The following SYNPR variants were observed in gnomAD, a reference collection of about 807,000 sequenced individuals.
SYNPR encodes the protein synaptoporin.
SYNPR carries 23 observed loss-of-function variants against 32.9 expected under a neutral mutation model. The ratio of observed to expected loss-of-function variants is 0.70; its 90% CI spans 0.50 to 0.99. The LOEUF (loss-of-function observed/expected upper bound fraction) is 0.99. Ranked by LOEUF, SYNPR falls within the 50% of genes least tolerant of loss-of-function variation. The pLI, the probability that SYNPR is intolerant of heterozygous loss-of-function variation, is 0.00. For synonymous variants in SYNPR, 146 were observed against 135.9 expected, an observed-to-expected ratio of 1.07 and a Z score of -0.52; for missense variants, 318 against 349.3, an observed-to-expected ratio of 0.91 and a Z score of 0.71.
At chr3:63,562,278 T>C (rs563129756) in intron 4 of SYNPR, among the ~76,000 whole-genome samples, 1 of 152,324 alleles carries the variant, frequency 6.6e-6, no homozygotes, top group South Asian at 2.1e-4. Flanking sequence ...AAGCAGATTT[T>C]TAAAAGCAAC....
At chr3:63,209,894 G>T in the SYNPR span, among the ~76,000 whole-genome samples, 712 of 152,258 alleles carry the variant, frequency 4.7e-3, 6 homozygotes, top group Non-Finnish European at 7.1e-3. Flanking sequence ...GGAAGGTGTT[G>T]GTCTTGCTCA....
intron 4 of SYNPR, among the ~76,000 whole-genome samples, chr3:63,605,690 G>C (rs1374423809): frequency 6.6e-6 from 1 of 152,202 alleles, no homozygotes; most frequent in African/African-American, 2.4e-5. Context: ...TTTAACATAG[G>C]ATGCTATTTA....
At chr3:63,547,224 G>T (rs1326913605) in intron 3 of SYNPR, among the ~76,000 whole-genome samples, 1 of 152,010 alleles carries the variant, frequency 6.6e-6, no homozygotes, top group Non-Finnish European at 1.5e-5. Context: ...TTCCACAAGT[G>T]AGTCTTACAT....
At chr3:63,391,331 G>T (rs1329264773) in intron 2 of SYNPR, among the ~76,000 whole-genome samples, 3 of 152,152 alleles carry the variant, frequency 2.0e-5, no homozygotes, top group Admixed American at 6.5e-5. Flanking sequence ...ATTTATTTTG[G>T]CTTCCAAAGG....
At chr3:63,495,387 A>G (rs1049386514) in intron 3 of SYNPR, among the ~76,000 whole-genome samples, 1 of 152,188 alleles carries the variant, frequency 6.6e-6, no homozygotes, top group Non-Finnish European at 1.5e-5. Context: ...TTTGATTGCA[A>G]TGAAGGATCT....
chr3:63,229,782 G>C (rs976744859), intron 1 of SYNPR, among the ~76,000 whole-genome samples: 17 of 151,870 alleles, frequency 1.1e-4, no homozygotes, highest in African/African-American at 3.1e-4. Flanking sequence ...ACTTAGCCTT[G>C]TTCTAAGAAC....
At chr3:63,455,856 C>A (rs1377734331) in intron 2 of SYNPR, among the ~76,000 whole-genome samples, 1 of 151,400 alleles carries the variant, frequency 6.6e-6, no homozygotes, top group Non-Finnish European at 1.5e-5. Context: ...TATTCCAAAG[C>A]AGACCTCCAA....
chr3:63,497,555 T>G (rs1409024806), intron 3 of SYNPR, among the ~76,000 whole-genome samples: 2 of 146,260 alleles, frequency 1.4e-5, no homozygotes, highest in Non-Finnish European at 2.9e-5. Flanking sequence ...TGTTGCTGTT[T>G]TTTTTTTTTT....
At chr3:63,374,968 G>A (rs2087868938) in intron 2 of SYNPR, among the ~76,000 whole-genome samples, 2 of 151,978 alleles carry the variant, frequency 1.3e-5, no homozygotes, top group African/African-American at 4.8e-5. Flanking sequence ...CCAGTACCAT[G>A]CTGTTTTGGT....
intron 4 of SYNPR, among the ~76,000 whole-genome samples, chr3:63,600,888 C>T (rs1700030778): frequency 6.6e-6 from 1 of 152,144 alleles, no homozygotes; most frequent in South Asian, 2.1e-4. Context: ...TAATACAATG[C>T]CCAAAGCCAA....
At position 63,328,289 on chromosome 3, in the gene SYNPR, T is replaced by C. The variant is rs560331524; in HGVS notation, c.84+49547T>C. 1.1e-4 allele frequency among the ~76,000 whole-genome samples: 16 copies of C among 152,266 alleles called. No individual in the cohort carries two copies. The East Asian group carries it at 3.1e-3, about 30-fold the overall frequency. Reference sequence around the variant, plus strand: ...GGTTGCAAAAGCTCAGAGCCTCATCTCCCTTTCTGGGAATGTCCAGAATCT... The same window carrying C: ...GGTTGCAAAAGCTCAGAGCCTCATCCCCCTTTCTGGGAATGTCCAGAATCT... On this transcript the variant is annotated intron_variant, in intron 2 of 5. Transcript: ENST00000478300.
At chr3:63,204,659 G>A in the SYNPR span, among the ~76,000 whole-genome samples, 797 of 151,994 alleles carry the variant, frequency 5.2e-3, 2 homozygotes, top group Non-Finnish European at 7.8e-3. Flanking sequence ...CCTCACCTAA[G>A]ATCTTTGCAA....
chr3:63,412,379 C>A (rs2088478197), intron 2 of SYNPR, among the ~76,000 whole-genome samples: 1 of 152,112 alleles, frequency 6.6e-6, no homozygotes, highest in Non-Finnish European at 1.5e-5. Context: ...TGAGCAAATC[C>A]AGACTCAAGC....
In SYNPR at chr3:63,532,483, T is replaced by C. The variant is rs1702129783; in HGVS notation, c.210-24060T>C. ...ATAAAGATGAAAGTTGGCTGCACTG[T>C]GTGGGCAGGAGAAGGGATGGTGTGG... On this transcript the variant is annotated intron_variant, in intron 3 of 5. Coordinates refer to ENST00000478300, the MANE Select transcript of SYNPR (RefSeq NM_001130003.2). Among the ~76,000 whole-genome samples the C allele has an allele frequency of 2.0e-5, 3 of 152,190 alleles. No homozygotes were observed. In the South Asian group the frequency reaches 6.2e-4, roughly 32 times the overall value.
At chr3:63,484,466 C>A (rs546936163) in intron 3 of SYNPR, among the ~76,000 whole-genome samples, 1 of 151,990 alleles carries the variant, frequency 6.6e-6, no homozygotes, top group Non-Finnish European at 1.5e-5. Context: ...GCCAAGTAAC[C>A]TTTTGAACTT....
rs906465212 is a variant in SYNPR at position 63,428,619 on chromosome 3, G to A, written c.85-52213G>A. ...TGCTGATCAGCTGGGCTTTTTGGGT[G>A]TCAGCATTTGGGTCAGCCAGATACT... On this transcript the variant is annotated intron_variant, in intron 2 of 5. Coordinates refer to ENST00000478300, the MANE Select transcript of SYNPR (RefSeq NM_001130003.2). 8.5e-5 allele frequency among the ~76,000 whole-genome samples: 13 copies of A among 152,220 alleles called. No individual in the cohort carries two copies. In the East Asian group the frequency reaches 2.5e-3, roughly 29 times the overall value.
chr3:63,345,212 G>A lies in SYNPR; in HGVS notation c.84+66470G>A, dbSNP rs114408348. On this transcript the variant is annotated intron_variant, in intron 2 of 5. Transcript: ENST00000478300. ...GACCTTTCATTAGTTTTACAAAGGT[G>A]GTTTTAGTCTCAGAACAAGGCGAGG... Among the ~76,000 whole-genome samples, 975 of 152,272 alleles carry A rather than the reference G, an allele frequency of 6.4e-3. 13 individuals carry two copies. The highest frequency in any genetic ancestry group is 0.021 in the African/African-American group (875 of 41,556).
chr3:63,290,207 A>G (rs2086725580), intron 2 of SYNPR, among the ~76,000 whole-genome samples: 1 of 152,182 alleles, frequency 6.6e-6, no homozygotes, highest in African/African-American at 2.4e-5. Context: ...AAAGTCATAC[A>G]GCTATAGCTA....
At chr3:63,379,337 G>T (rs1323386244) in intron 2 of SYNPR, among the ~76,000 whole-genome samples, 2 of 152,092 alleles carry the variant, frequency 1.3e-5, no homozygotes, top group African/African-American at 4.8e-5. Flanking sequence ...GATTCTGTTG[G>T]TTGGTGATAT....
Sources: gnomAD v4.1 joint callset for allele counts (sites outside exome capture counted in the v4.1 genomes callset) on GRCh38, gnomAD v4.1.1 for gene constraint, MANE v1.5 for transcripts, NCBI Gene and HGNC (gene_info 2026-07-23, HGNC 2026-07-21) for gene names.